Variants in TTLL7 observed in about 807,000 individuals in gnomAD.
TTLL7 encodes tubulin polyglutamylase TTLL7.
TTLL7 carries 53 observed loss-of-function variants against 120.2 expected under a neutral mutation model. That is an observed-to-expected ratio of 0.44 (90% CI 0.35 to 0.55). The LOEUF (loss-of-function observed/expected upper bound fraction) is 0.55, where lower values mean the gene tolerates loss of function less well. TTLL7 is among the 20% of genes least tolerant of loss of function. The pLI is 0.00. For synonymous variants in TTLL7, 353 were observed against 351.7 expected, an observed-to-expected ratio of 1.00 and a Z score of -0.04; for missense variants, 803 against 1,054.7, an observed-to-expected ratio of 0.76 and a Z score of 3.31.
chr1:83,892,632 GAA>G (rs1655739765), intron 18 of TTLL7, among the ~76,000 whole-genome samples: 3 of 131,732 alleles, frequency 2.3e-5, no homozygotes, highest in Non-Finnish European at 3.3e-5. Context: ...ATGAACATAT[GAA>G]TGAACATATA....
Position 83,883,003 on chromosome 1 carries a change from C to T in TTLL7, c.2503G>A (p.Gly835Arg), listed in dbSNP as rs1654647481. Residue 835 changes from glycine (G) to arginine (R), a missense_variant, in exon 20 of 21, where the codon GGA (glycine) becomes AGA (arginine). Physicochemically the swap from Gly to Arg is moderately radical, Grantham distance 125 (BLOSUM62 -2). Transcript: ENST00000260505. The part of the protein sequence containing the change: ...VVYKYATDKR[G>R]SLSGIGPDWG... ...TCAGGACCAATGCCTGAAAGTGATC[C>T]TCTTTTGTCAGTTGCATATTTGTAA... is the stretch of plus-strand genomic sequence containing the variant. 1 of 1,612,406 alleles carries T rather than the reference C, an allele frequency of 6.2e-7. No homozygotes were observed. Among genetic ancestry groups the T allele is most frequent in the Non-Finnish European group, 8.5e-7 (1 of 1,179,096 alleles).
chr1:83,986,138 C>A (rs1164600482), intron 1 of TTLL7, among the ~76,000 whole-genome samples: 1 of 152,180 alleles, frequency 6.6e-6, no homozygotes, highest in East Asian at 1.9e-4. Flanking sequence ...ATTTCATTCA[C>A]TTAGATGCAA....
intron 20 of TTLL7, 61 bp from the exon 21 acceptor site, chr1:83,870,143 G>T: frequency 7.0e-7 from 1 of 1,433,218 alleles, no homozygotes; most frequent in Non-Finnish European, 9.3e-7. Context: ...CTCACTAAAG[G>T]GTTATGTGGT....
chr1:83,869,408 A>G lies in TTLL7; in HGVS notation c.*554T>C, dbSNP rs532504932. The G allele has an allele frequency of 6.6e-6, 1 of 152,388 alleles. No individual in the cohort carries two copies. The highest frequency in any genetic ancestry group is 2.1e-4 in the South Asian group (1 of 4,834). The allele number at this position is 152,388 out of a possible 1,614,324, so 9.4% of individuals were successfully genotyped here. ...CAGGTTATGACTTTTCTAGCACTTT[A>G]CAGTGTGCTATAGTAATGATAAACC... On this transcript the variant is annotated 3_prime_UTR_variant, in exon 21 of 21. Transcript: ENST00000260505.
intron 1 of TTLL7, among the ~76,000 whole-genome samples, chr1:83,985,176 T>C (rs1652329998): frequency 6.6e-6 from 1 of 152,072 alleles, no homozygotes; most frequent in Non-Finnish European, 1.5e-5. Context: ...TCCGAAAGCT[T>C]CAAACCAGGG....
At chr1:83,889,011 T>C (rs1050949142) in intron 19 of TTLL7, among the ~76,000 whole-genome samples, 1 of 152,018 alleles carries the variant, frequency 6.6e-6, no homozygotes, top group Non-Finnish European at 1.5e-5. Context: ...TCTTTTATAA[T>C]GATGTATTAG....
At chr1:83,959,913 A>T (rs1649870580) in intron 1 of TTLL7, among the ~76,000 whole-genome samples, 1 of 152,116 alleles carries the variant, frequency 6.6e-6, no homozygotes, top group Non-Finnish European at 1.5e-5. Flanking sequence ...ATTATACAAA[A>T]TAATATATTT....
chr1:83,983,612 G>A (rs1652174956), intron 1 of TTLL7, among the ~76,000 whole-genome samples: 1 of 152,010 alleles, frequency 6.6e-6, no homozygotes, highest in East Asian at 1.9e-4. Flanking sequence ...AACAAAAATT[G>A]ACAAGTGGGA....
chr1:83,951,321 C>A (rs971201264), intron 3 of TTLL7, among the ~76,000 whole-genome samples: 3 of 151,610 alleles, frequency 2.0e-5, no homozygotes, highest in Admixed American at 2.0e-4. Context: ...TGCACTCCAG[C>A]CTGGGCGACA....
In TTLL7 at chr1:83,921,299, G is replaced by C. The variant is rs1453010711; in HGVS notation, c.1238C>G (p.Ser413Cys). Residue 413 changes from serine (S) to cysteine (C), a missense_variant, in exon 11 of 21, where the codon TCC becomes TGC. Physicochemically the swap from Ser to Cys is moderately radical, Grantham distance 112. Around this residue, in one of 3 missense-constraint regions of TTLL7, gnomAD observed 324 missense variants for 507.7 expected, o/e 0.64. Coordinates refer to ENST00000260505, the MANE Select transcript of TTLL7 (RefSeq NM_024686.6). ...GTGTCTCTGCTGTTCCCAGTCTGAG[G>C]AGCCTGGTAAGAGCCTTTTAATTGA... ...QNSIKRLLPG[S>C]SDWEQQRHQL... The C allele has an allele frequency of 5.6e-6, 9 of 1,613,096 alleles. No homozygotes were observed. The highest frequency in any genetic ancestry group is 6.8e-6 in the Non-Finnish European group (8 of 1,179,794).
intron 8 of TTLL7, among the ~76,000 whole-genome samples, chr1:83,935,895 T>G (rs1647333799): frequency 6.6e-6 from 1 of 152,136 alleles, no homozygotes; most frequent in East Asian, 1.9e-4. Flanking sequence ...TTTCAAATAA[T>G]TACATAAATG....
chr1:83,934,405 C>A (rs1647220029), intron 8 of TTLL7, among the ~76,000 whole-genome samples: 2 of 152,072 alleles, frequency 1.3e-5, no homozygotes, highest in Admixed American at 1.3e-4. Context: ...TTCACAAACA[C>A]CAGTAGAGAA....
intron 1 of TTLL7, among the ~76,000 whole-genome samples, chr1:83,959,066 A>AT (rs1457484083): frequency 6.7e-6 from 1 of 149,928 alleles, no homozygotes; most frequent in African/African-American, 2.5e-5. Flanking sequence ...TGATTGTGAA[A>AT]TTATATATTA....
chr1:83,983,261 G>A lies in TTLL7; in HGVS notation c.-177+15670C>T, dbSNP rs534851982. 5.3e-5 allele frequency among the ~76,000 whole-genome samples: 8 copies of A among 152,188 alleles called. No homozygotes were observed. In the East Asian group the frequency reaches 1.5e-3, roughly 29 times the overall value. ...CATGAGAATCCCTTGAACCCAGGAG[G>A]CGGAGGCTGCAGTGAGCCGAGATCA... On this transcript the variant is annotated intron_variant, in intron 1 of 20. Coordinates refer to ENST00000260505, the MANE Select transcript of TTLL7 (RefSeq NM_024686.6).
rs781370064 is a variant in TTLL7, at chr1:83,951,991, A to G, written c.26-15T>C. On this transcript the variant is annotated splice_polypyrimidine_tract_variant and intron_variant, in intron 2 of 20. Coordinates refer to ENST00000260505, the MANE Select transcript of TTLL7 (RefSeq NM_024686.6). ...TCCCTGAATAACTTTAAAAAAATGTAAAATAATCAGATAACACTGAAAACA... is the reference window on the plus strand; with the variant it reads ...TCCCTGAATAACTTTAAAAAAATGTGAAATAATCAGATAACACTGAAAACA... 4 of 1,598,914 alleles carry G rather than the reference A, an allele frequency of 2.5e-6. No individual in the cohort carries two copies. Among genetic ancestry groups the G allele is most frequent in the African/African-American group, 1.4e-5 (1 of 73,782 alleles).
chr1:83,944,650 G>A (rs542315863), intron 6 of TTLL7, among the ~76,000 whole-genome samples: 3 of 152,320 alleles, frequency 2.0e-5, no homozygotes, highest in East Asian at 1.9e-4. Context: ...AGAGGTTGCC[G>A]TGAGCCAAGA....
chr1:83,963,470 T>TAA (rs754240019), intron 1 of TTLL7, among the ~76,000 whole-genome samples: 2 of 141,824 alleles, frequency 1.4e-5, no homozygotes, highest in African/African-American at 5.1e-5. Flanking sequence ...TAATACAAAC[T>TAA]AAAAAAAAAA....
chr1:83,923,845 C>T (rs1287379392), intron 10 of TTLL7, among the ~76,000 whole-genome samples: 1 of 152,130 alleles, frequency 6.6e-6, no homozygotes, highest in Non-Finnish European at 1.5e-5. Flanking sequence ...TATCCATATA[C>T]TGACCTAAGC....
intron 1 of TTLL7, chr1:83,979,882 G>A (rs1380228624): frequency 6.6e-6 from 1 of 151,944 alleles, no homozygotes; most frequent in Admixed American, 6.6e-5. Context: ...ATTTTCAAAG[G>A]ATTACTAATG....
Sources: allele counts gnomAD v4.1 joint callset (sites outside exome capture counted in the v4.1 genomes callset), GRCh38; gene constraint gnomAD v4.1.1; regional missense constraint gnomAD v4.1.1; transcripts MANE v1.5; gene names NCBI Gene and HGNC (gene_info 2026-07-23, HGNC 2026-07-21).